Variants in CNTN5 observed in about 807,000 individuals in gnomAD.
The protein encoded by CNTN5 is contactin-5.
CNTN5 carries 77 observed loss-of-function variants against 129.1 expected under a neutral mutation model. The ratio of observed to expected loss-of-function variants is 0.60; its 90% CI spans 0.50 to 0.72. The LOEUF (loss-of-function observed/expected upper bound fraction) is 0.72. Ranked by LOEUF, CNTN5 falls within the 30% of genes least tolerant of loss-of-function variation. The pLI is 0.00. For missense variants in CNTN5, 1,478 were observed against 1,328.8 expected, an observed-to-expected ratio of 1.11 and a Z score of -1.75; for synonymous variants, 509 against 465.6, an observed-to-expected ratio of 1.09 and a Z score of -1.20.
chr11:99,820,679 T>C (rs573927582), intron 4 of CNTN5, among the ~76,000 whole-genome samples: 4 of 146,350 alleles, frequency 2.7e-5, no homozygotes, highest in South Asian at 4.3e-4. Context: ...GAAGTAGATA[T>C]TGTTACTGCC....
At chr11:99,777,465 A>T (rs1312817076) in intron 3 of CNTN5, among the ~76,000 whole-genome samples, 1 of 151,948 alleles carries the variant, frequency 6.6e-6, no homozygotes, top group Non-Finnish European at 1.5e-5. Context: ...TGCTAACACA[A>T]TGTCTCAATT....
At chr11:100,237,097 G>C (rs371465498) in intron 16 of CNTN5, among the ~76,000 whole-genome samples, 27 of 150,568 alleles carry the variant, frequency 1.8e-4, no homozygotes, top group African/African-American at 6.6e-4. Flanking sequence ...GCTGAGGCAG[G>C]AGAATGGCGT....
chr11:100,153,886 C>CTGTT (rs1947146219), intron 13 of CNTN5, among the ~76,000 whole-genome samples: 1 of 151,534 alleles, frequency 6.6e-6, no homozygotes, highest in African/African-American at 2.4e-5. Flanking sequence ...AGTTTCAAAT[C>CTGTT]TGTTAGTATA....
intron 3 of CNTN5, among the ~76,000 whole-genome samples, chr11:99,762,731 C>T (rs1010263707): frequency 2.0e-5 from 3 of 152,124 alleles, no homozygotes; most frequent in Admixed American, 6.6e-5. Context: ...AATGTGTTCT[C>T]ATTTGTTTAT....
At chr11:99,267,553 A>G (rs1342919457) in intron 1 of CNTN5, among the ~76,000 whole-genome samples, 1 of 152,004 alleles carries the variant, frequency 6.6e-6, no homozygotes, top group Non-Finnish European at 1.5e-5. Context: ...GAGCCTTGTT[A>G]GTTTAATTGA....
intron 1 of CNTN5, among the ~76,000 whole-genome samples, chr11:99,022,570 G>A (rs1407418762): frequency 6.6e-6 from 1 of 152,030 alleles, no homozygotes; most frequent in East Asian, 1.9e-4. Flanking sequence ...ACAGGCATAA[G>A]TTTACTCTGA....
chr11:100,224,121 C>T (rs1272091104), intron 15 of CNTN5, among the ~76,000 whole-genome samples: 1 of 152,122 alleles, frequency 6.6e-6, no homozygotes, highest in East Asian at 1.9e-4. Context: ...CAGGCTGACC[C>T]TGATCCATGA....
intron 1 of CNTN5, among the ~76,000 whole-genome samples, chr11:99,169,851 C>T (rs1861062751): frequency 6.6e-6 from 1 of 152,034 alleles, no homozygotes; most frequent in South Asian, 2.1e-4. Context: ...CATGCAAAGA[C>T]TGAAAGTTTA....
At chr11:100,243,120 AGTGTGCACGTGC>A (rs1019263358) in intron 16 of CNTN5, among the ~76,000 whole-genome samples, 1 of 152,212 alleles carries the variant, frequency 6.6e-6, no homozygotes, top group African/African-American at 2.4e-5. Flanking sequence ...TGTTCTTTGT[AGTGTGCACGTGC>A]GTGTGCACAC....
chr11:99,098,448 T>G (rs1055918401), intron 1 of CNTN5, among the ~76,000 whole-genome samples: 2 of 151,934 alleles, frequency 1.3e-5, no homozygotes, highest in African/African-American at 2.4e-5. Context: ...ACCACAACAC[T>G]AGTGGCTGAA....
At chr11:99,456,905 T>C (rs1205560756) in intron 2 of CNTN5, among the ~76,000 whole-genome samples, 1 of 152,074 alleles carries the variant, frequency 6.6e-6, no homozygotes, top group Non-Finnish European at 1.5e-5. Flanking sequence ...TTAATGAAAG[T>C]AGTACTTGAC....
At chr11:99,129,387 G>T (rs1858816652) in intron 1 of CNTN5, among the ~76,000 whole-genome samples, 1 of 151,736 alleles carries the variant, frequency 6.6e-6, no homozygotes. Context: ...AAATAAGGCA[G>T]GAAGAAAAGA....
intron 8 of CNTN5, among the ~76,000 whole-genome samples, chr11:99,993,046 C>A (rs1003525350): frequency 6.6e-6 from 1 of 152,164 alleles, no homozygotes; most frequent in African/African-American, 2.4e-5. Flanking sequence ...TGATCTTTGA[C>A]TGTGTGTCTT....
intron 3 of CNTN5, among the ~76,000 whole-genome samples, chr11:99,678,782 A>G (rs1263155367): frequency 1.2e-4 from 19 of 152,088 alleles, no homozygotes; most frequent in African/African-American, 1.2e-4. Context: ...CACAGCGCCA[A>G]CTACAGTAAA....
chr11:99,190,417 T>C (rs1858577738), intron 1 of CNTN5, among the ~76,000 whole-genome samples: 1 of 151,786 alleles, frequency 6.6e-6, no homozygotes, highest in Admixed American at 6.6e-5. Flanking sequence ...GTAAGATTTT[T>C]TTCTATTTCT....
chr11:99,894,987 T>A (rs966158366), intron 6 of CNTN5, among the ~76,000 whole-genome samples: 1 of 152,164 alleles, frequency 6.6e-6, no homozygotes, highest in Non-Finnish European at 1.5e-5. Flanking sequence ...TTACAATAAT[T>A]TGTAGTTAGC....
intron 6 of CNTN5, among the ~76,000 whole-genome samples, chr11:99,889,526 ATTCT>A (rs1949001560): frequency 6.9e-6 from 1 of 145,310 alleles, no homozygotes; most frequent in Admixed American, 6.9e-5. Context: ...TCCACTAGAC[ATTCT>A]TTTTTTTTTT....
intron 2 of CNTN5, among the ~76,000 whole-genome samples, chr11:99,507,718 AC>A (rs1191996509): frequency 1.3e-5 from 2 of 152,212 alleles, no homozygotes; most frequent in Non-Finnish European, 2.9e-5. Flanking sequence ...TTTTAACCTC[AC>A]AAGTGTGACT....
intron 1 of CNTN5, among the ~76,000 whole-genome samples, chr11:99,236,191 C>A (rs1016530040): frequency 1.3e-5 from 2 of 151,916 alleles, no homozygotes; most frequent in African/African-American, 4.8e-5. Context: ...TAAAAATCTC[C>A]AAAATGATTG....
Sources: gnomAD v4.1 joint callset for allele counts (sites outside exome capture counted in the v4.1 genomes callset) on GRCh38, gnomAD v4.1.1 for gene constraint, MANE v1.5 for transcripts, NCBI Gene and HGNC (gene_info 2026-07-23, HGNC 2026-07-21) for gene names.